The following SLC24A2 variants were observed in gnomAD, a reference collection of about 807,000 sequenced individuals.
SLC24A2 encodes the protein solute carrier family 24 member 2.
SLC24A2 carries 36 observed loss-of-function variants against 62.0 expected under a neutral mutation model. That is an observed-to-expected ratio of 0.58 (90% CI 0.44 to 0.77). The LOEUF (loss-of-function observed/expected upper bound fraction) is 0.77, where lower values mean the gene tolerates loss of function less well. Among genes scored for constraint, SLC24A2 ranks in the 30% least tolerant of loss-of-function variants. SLC24A2 has a pLI of 0.00. For synonymous variants in SLC24A2, 358 were observed against 294.0 expected (o/e 1.22, Z -2.23); for missense variants, 846 against 817.9 (o/e 1.03, Z -0.42).
intron 2 of SLC24A2, among the ~76,000 whole-genome samples, chr9:19,660,505 A>C (rs1243962457): frequency 6.6e-6 from 1 of 152,164 alleles, no homozygotes; most frequent in Non-Finnish European, 1.5e-5. Context: ...GAGGGCAAGA[A>C]AGGGAAAATT....
the SLC24A2 span, among the ~76,000 whole-genome samples, chr9:19,912,038 T>C: frequency 1.3e-5 from 2 of 152,170 alleles, no homozygotes; most frequent in East Asian, 3.8e-4. Flanking sequence ...TAAGCTTTCT[T>C]TTAAAGCCAC....
the SLC24A2 span, among the ~76,000 whole-genome samples, chr9:20,013,584 T>A: frequency 6.6e-6 from 1 of 152,126 alleles, no homozygotes; most frequent in Admixed American, 6.6e-5. Context: ...CTAAAAAGCT[T>A]TTGCACAGTA....
chr9:20,274,471 G>T, the SLC24A2 span, among the ~76,000 whole-genome samples: 1 of 152,164 alleles, frequency 6.6e-6, no homozygotes, highest in Admixed American at 6.5e-5. Flanking sequence ...AATTTTGGCT[G>T]CTGGATTGAG....
chr9:20,098,514 G>C, the SLC24A2 span, among the ~76,000 whole-genome samples: 2 of 152,116 alleles, frequency 1.3e-5, no homozygotes, highest in African/African-American at 4.8e-5. Context: ...GAGCCATGTT[G>C]TCCTTTTGAC....
intron 2 of SLC24A2, among the ~76,000 whole-genome samples, chr9:19,761,635 TC>T (rs959310037): frequency 6.6e-6 from 1 of 151,810 alleles, no homozygotes; most frequent in Non-Finnish European, 1.5e-5. Flanking sequence ...CTCCCCCCTT[TC>T]CCCCATCCCA....
At chr9:19,902,003 A>C in the SLC24A2 span, among the ~76,000 whole-genome samples, 2 of 152,212 alleles carry the variant, frequency 1.3e-5, no homozygotes, top group African/African-American at 4.8e-5. Context: ...AAAACCTTGT[A>C]GAAGTTAGAG....
chr9:19,669,067 A>T (rs10811228), intron 2 of SLC24A2, among the ~76,000 whole-genome samples: 89,206 of 152,096 alleles, frequency 0.59, 28,601 homozygotes, highest in East Asian at 0.84. Context: ...ATTTGGCTAA[A>T]TTGTATTTAT....
chr9:19,702,807 C>G (rs898671680), intron 2 of SLC24A2, among the ~76,000 whole-genome samples: 1 of 152,068 alleles, frequency 6.6e-6, no homozygotes, highest in Non-Finnish European at 1.5e-5. Flanking sequence ...CTTCATATCA[C>G]TACCATACCT....
chr9:19,728,607 G>C (rs995486193), intron 2 of SLC24A2, among the ~76,000 whole-genome samples: 2 of 152,082 alleles, frequency 1.3e-5, no homozygotes, highest in African/African-American at 4.8e-5. Flanking sequence ...GAGAAGCTCA[G>C]AACAGGCATG....
At chr9:19,832,374 T>C in the SLC24A2 span, among the ~76,000 whole-genome samples, 1 of 152,216 alleles carries the variant, frequency 6.6e-6, no homozygotes, top group Admixed American at 6.5e-5. Flanking sequence ...GTAAGCCAGA[T>C]ATGAGTCATT....
chr9:20,279,222 A>G, the SLC24A2 span, among the ~76,000 whole-genome samples: 1 of 152,242 alleles, frequency 6.6e-6, no homozygotes, highest in African/African-American at 2.4e-5. Flanking sequence ...GCCAAATCAT[A>G]TAAGCATATA....
the SLC24A2 span, among the ~76,000 whole-genome samples, chr9:20,095,609 A>AACAGCTCAC: frequency 6.6e-6 from 1 of 152,120 alleles, no homozygotes; most frequent in African/African-American, 2.4e-5. Context: ...TTCTTGGTTG[A>AACAGCTCAC]ACAGCTCACT....
chr9:19,914,874 G>C, the SLC24A2 span, among the ~76,000 whole-genome samples: 2 of 152,010 alleles, frequency 1.3e-5, no homozygotes. Flanking sequence ...AAAGATCTGA[G>C]CTGAGGTGCT....
the SLC24A2 span, among the ~76,000 whole-genome samples, chr9:20,065,517 C>T: frequency 8.3e-4 from 126 of 152,348 alleles, 2 homozygotes; most frequent in South Asian, 0.024. Context: ...GCCCACATGA[C>T]AAGCACTATT....
the SLC24A2 span, among the ~76,000 whole-genome samples, chr9:19,959,909 G>A: frequency 0.23 from 34,530 of 152,084 alleles, 4,877 homozygotes; most frequent in Admixed American, 0.37. Flanking sequence ...CCTTAGAAAG[G>A]GAAAAAGTTT....
chr9:19,933,048 G>C, the SLC24A2 span, among the ~76,000 whole-genome samples: 3 of 152,230 alleles, frequency 2.0e-5, no homozygotes, highest in Non-Finnish European at 2.9e-5. Flanking sequence ...GGCAGGAGGT[G>C]GGGGCTGCGG....
At chr9:19,916,292 G>A in the SLC24A2 span, among the ~76,000 whole-genome samples, 4 of 152,072 alleles carry the variant, frequency 2.6e-5, no homozygotes, top group Middle Eastern at 3.4e-3. Context: ...GTACCATGTC[G>A]TTTTGATTAC....
chr9:19,877,134 A>C, the SLC24A2 span, among the ~76,000 whole-genome samples: 7 of 151,528 alleles, frequency 4.6e-5, no homozygotes, highest in South Asian at 1.5e-3. Flanking sequence ...ACTGAGGGTG[A>C]GGGAAAAGTG....
the SLC24A2 span, among the ~76,000 whole-genome samples, chr9:20,260,849 C>CTTT: frequency 1.1e-4 from 10 of 90,278 alleles, no homozygotes; most frequent in Admixed American, 3.1e-4. Flanking sequence ...ATCATTCTTT[C>CTTT]TTTTTTTTTT....
Sources: gnomAD v4.1 joint callset for allele counts (sites outside exome capture counted in the v4.1 genomes callset) on GRCh38, gnomAD v4.1.1 for gene constraint, MANE v1.5 for transcripts, NCBI Gene and HGNC (gene_info 2026-07-23, HGNC 2026-07-21) for gene names.